Variants in NUP62CL observed in about 807,000 individuals in gnomAD.
NUP62CL encodes nucleoporin-62 C-terminal-like protein.
NUP62CL carries 13 observed loss-of-function variants against 15.3 expected under a neutral mutation model. That is an observed-to-expected ratio of 0.85 (90% CI 0.55 to 1.35). The LOEUF (loss-of-function observed/expected upper bound fraction) is 1.35. Among genes scored for constraint, NUP62CL ranks in the 40% most tolerant of loss-of-function variants. The pLI is 0.00. For synonymous variants in NUP62CL, 54 were observed against 49.2 expected (o/e 1.10, Z -0.41); for missense variants, 123 against 130.6 (o/e 0.94, Z 0.28).
intron 2 of NUP62CL, among the ~76,000 whole-genome samples, chrX:107,180,674 G>T (rs1926897200): frequency 9.0e-6 from 1 of 111,459 alleles, no homozygotes; most frequent in Non-Finnish European, 1.9e-5. Flanking sequence ...ACAAACTCAT[G>T]AAGAAGCTCT....
chrX:107,166,611 T>C (rs1926521401), intron 4 of NUP62CL, among the ~76,000 whole-genome samples: 1 of 112,175 alleles, frequency 8.9e-6, no homozygotes, highest in Non-Finnish European at 1.9e-5. Context: ...AATAAACATG[T>C]ACATCAATGT....
intron 4 of NUP62CL, among the ~76,000 whole-genome samples, chrX:107,157,936 C>A (rs1376932372): frequency 4.7e-5 from 5 of 107,489 alleles, no homozygotes; most frequent in African/African-American, 1.4e-4. Flanking sequence ...GGAGGAAGAT[C>A]TACCAAGCAA....
At chrX:107,181,113 AC>A (rs372128518) in intron 2 of NUP62CL, among the ~76,000 whole-genome samples, 1,106 of 105,808 alleles carry the variant, frequency 0.01, 11 homozygotes, top group South Asian at 0.1. Flanking sequence ...ACGAGGTTTC[AC>A]CATGTTGGCC....
At chrX:107,141,971 A>T (rs920125349) in intron 8 of NUP62CL, among the ~76,000 whole-genome samples, 7 of 109,622 alleles carry the variant, frequency 6.4e-5, no homozygotes, top group African/African-American at 2.3e-4. Flanking sequence ...GAATCACTTG[A>T]ACCGGAAGGC....
At chrX:107,189,867 AAAAAGAAAG>A (rs1303883563) in intron 2 of NUP62CL, among the ~76,000 whole-genome samples, 12 of 72,873 alleles carry the variant, frequency 1.6e-4, no homozygotes, top group African/African-American at 5.8e-4. Flanking sequence ...GGAAGGAAGG[AAAAAGAAAG>A]AAAAGAAAGA....
chrX:107,137,115 C>T (rs1249030380), intron 8 of NUP62CL, among the ~76,000 whole-genome samples: 3 of 109,310 alleles, frequency 2.7e-5, no homozygotes, highest in Non-Finnish European at 3.8e-5. Flanking sequence ...TCCACTGTAT[C>T]ATGAGTTAAA....
At chrX:107,195,948 T>G (rs1927353411) in intron 1 of NUP62CL, among the ~76,000 whole-genome samples, 1 of 110,712 alleles carries the variant, frequency 9.0e-6, no homozygotes, top group East Asian at 2.8e-4. Flanking sequence ...AAATTCATTG[T>G]TGTCAAACCA....
At chrX:107,200,349 G>C (rs1927449631) in intron 1 of NUP62CL, among the ~76,000 whole-genome samples, 1 of 111,219 alleles carries the variant, frequency 9.0e-6, no homozygotes, top group African/African-American at 3.3e-5. Context: ...TTGCTCATGT[G>C]AAGTTTGATC....
chrX:107,204,754 A>AATAAATTTTAAATAAATTATTTATT (rs1927587230), intron 1 of NUP62CL, among the ~76,000 whole-genome samples: 1 of 60,800 alleles, frequency 1.6e-5, no homozygotes, highest in Non-Finnish European at 3.0e-5. Context: ...AATTATTTAA[A>AATAAATTTTAAATAAATTATTTATT]TAAATTTTAA....
At chrX:107,197,399 T>C (rs1354686159) in intron 1 of NUP62CL, among the ~76,000 whole-genome samples, 1 of 110,719 alleles carries the variant, frequency 9.0e-6, no homozygotes, top group Admixed American at 9.8e-5. Context: ...GGGAAACAGG[T>C]CTGTACTCCC....
chrX:107,160,849 A>G (rs1327921256), intron 4 of NUP62CL, among the ~76,000 whole-genome samples: 1 of 110,404 alleles, frequency 9.1e-6, no homozygotes, highest in African/African-American at 3.3e-5. Flanking sequence ...CAGGCAACCT[A>G]CAACATGGGA....
chrX:107,186,004 G>GGGC (rs1402681582), intron 2 of NUP62CL, among the ~76,000 whole-genome samples: 3 of 111,699 alleles, frequency 2.7e-5, no homozygotes, highest in Non-Finnish European at 5.6e-5. Context: ...AATGATAAGA[G>GGGC]GGCCAATCCT....
chrX:107,198,954 C>T (rs1927422075), intron 1 of NUP62CL, among the ~76,000 whole-genome samples: 1 of 112,126 alleles, frequency 8.9e-6, no homozygotes, highest in African/African-American at 3.2e-5. Flanking sequence ...TACTATTCAT[C>T]TATCTCATGT....
chrX:107,183,451 A>G lies in NUP62CL; in HGVS notation c.-47-8258T>C, dbSNP rs6622174. On this transcript the variant is annotated intron_variant, in intron 2 of 8. Transcript: ENST00000372466. ...GGCTCTATTGCTTAAAAAAAGAGAA[A>G]AAAGTAAAATAAGATAAAAAATAAA... 7.2e-5 allele frequency among the ~76,000 whole-genome samples: 8 copies of G among 110,951 alleles called. No homozygotes were observed. In the East Asian group the frequency reaches 2.0e-3, roughly 27 times the overall value.
chrX:107,203,191 G>A (rs1251212843), intron 1 of NUP62CL, among the ~76,000 whole-genome samples: 1 of 107,534 alleles, frequency 9.3e-6, no homozygotes, highest in East Asian at 2.9e-4. Context: ...TTATAGAAAT[G>A]ATTTTAAATA....
intron 8 of NUP62CL, among the ~76,000 whole-genome samples, chrX:107,135,087 TTG>T (rs1925609042): frequency 9.0e-6 from 1 of 111,672 alleles, no homozygotes; most frequent in Admixed American, 9.4e-5. Flanking sequence ...AAAAAGCTTA[TTG>T]TTTCCCCCTT....
intron 7 of NUP62CL, chrX:107,150,821 C>T (rs1339237229): frequency 1.2e-5 from 4 of 334,403 alleles, no homozygotes; most frequent in Admixed American, 3.1e-5. Flanking sequence ...CATACTAAAT[C>T]TTGGTTGCCT....
chrX:107,175,302 G>A, intron 2 of NUP62CL, 109 bp from the exon 3 acceptor site: 1 of 443,767 alleles, frequency 2.3e-6, no homozygotes, highest in Non-Finnish European at 4.0e-6. Context: ...AACAAAGCAA[G>A]GAAAAGCAGG....
chrX:107,156,363 CA>C (rs1363781051), intron 4 of NUP62CL, among the ~76,000 whole-genome samples: 6 of 101,326 alleles, frequency 5.9e-5, no homozygotes, highest in Non-Finnish European at 1.0e-4. Context: ...GTAACCTCTG[CA>C]GACTTAAATG....
Sources: gnomAD v4.1 joint callset for allele counts (sites outside exome capture counted in the v4.1 genomes callset) on GRCh38, gnomAD v4.1.1 for gene constraint, MANE v1.5 for transcripts, NCBI Gene and HGNC (gene_info 2026-07-23, HGNC 2026-07-21) for gene names.